The following DHX58 variants were observed in gnomAD, a reference collection of about 807,000 sequenced individuals.
DHX58 encodes DExH-box helicase 58.
Under a neutral mutation model 65.0 loss-of-function variants are expected in DHX58, and 51 were observed. The observed-to-expected ratio is 0.78, with a 90% confidence interval of 0.63 to 0.99. DHX58 has a LOEUF of 0.99. Among genes scored for constraint, DHX58 ranks in the 50% least tolerant of loss-of-function variants. The probability of loss-of-function intolerance (pLI) is 0.00; values close to 1 mark genes in which losing one functional copy is unlikely to be tolerated. For synonymous variants in DHX58, 350 were observed against 365.0 expected (o/e 0.96, Z 0.47); for missense variants, 773 against 891.8 (o/e 0.87, Z 1.70).
chr17:42,107,793 C>T lies in DHX58; in HGVS notation c.808G>A (p.Ala270Thr). ...CGTTGCTCCTGAAGCCCAGCCAAAG[C>T]CGCTGCGGGAAGAGGGCGCAGGGTC... ...QQVVKLSEAA[A>T]LAGLQEQRVY... is the part of the protein sequence containing the mutation. The change falls in exon 8 of 14, where the codon GCT (alanine) becomes ACT (threonine). Residue 270 changes from alanine to threonine, a missense_variant and splice_region_variant. Coordinates refer to ENST00000251642, the MANE Select transcript of DHX58 (RefSeq NM_024119.3). 6.4e-7 allele frequency: 1 copy of T among 1,571,898 alleles called. No homozygotes were observed. The highest frequency in any genetic ancestry group is 2.3e-5 in the East Asian group (1 of 42,926).
At position 42,101,690 on chromosome 17, in the gene DHX58, A is replaced by AG; in HGVS notation, c.*70dup. 1.9e-6 allele frequency: 3 copies of AG among 1,549,234 alleles called. No individual in the cohort carries two copies. Among genetic ancestry groups the AG allele is most frequent in the Non-Finnish European group, 1.8e-6 (2 of 1,140,058 alleles). On this transcript the variant is annotated 3_prime_UTR_variant, in exon 14 of 14. Transcript: ENST00000251642. The stretch of plus-strand genomic sequence containing the variant: ...GCCCACAGCTGATGATTCAGGAAGG[A>AG]GGGGCCTGGAGTCTGCTGCAGACTC...
In DHX58 at chr17:42,107,989, ACTCAGCTTCACCACCTGCTG is replaced by A. The variant is rs1555663185; in HGVS notation, c.778_797del (p.Gln260Ter). ...AAGGGCTGCCCCTCTCACCAGCCTC[ACTCAGCTTCACCACCTGCTG>A]CTCATACATTTGCGTCCCAAATTTC... is the stretch of plus-strand genomic sequence containing the variant. On this transcript the variant is annotated frameshift_variant, in exon 7 of 14. Transcript: ENST00000251642. LOFTEE classifies it high-confidence loss of function. 6.2e-7 allele frequency: 1 copy of A among 1,614,014 alleles called. No individual in the cohort carries two copies. Among genetic ancestry groups the A allele is most frequent in the South Asian group, 1.1e-5 (1 of 91,082 alleles).
chr17:42,103,018 C>T (rs1398335890), intron 12 of DHX58, among the ~76,000 whole-genome samples: 2 of 152,120 alleles, frequency 1.3e-5, no homozygotes, highest in Admixed American at 6.5e-5. Flanking sequence ...GAACTCCTAA[C>T]CTCAAGTGAT....
intron 9 of DHX58, 136 bp downstream of exon 9, chr17:42,105,600 T>C: frequency 6.9e-7 from 1 of 1,459,676 alleles, no homozygotes; most frequent in Non-Finnish European, 9.0e-7. Context: ...TCCTTGCCCC[T>C]CTGCCTGGGG....
At chr17:42,111,046 A>C (rs1260757815) in intron 4 of DHX58, 133 bp from the exon 5 acceptor site, 93 of 1,144,942 alleles carry the variant, frequency 8.1e-5, no homozygotes, top group Non-Finnish European at 7.7e-5. Context: ...CAGGATGAGG[A>C]GCCAGGCAGG....
intron 7 of DHX58, 30 bp downstream of exon 7, chr17:42,107,952 C>G: frequency 6.2e-7 from 1 of 1,613,562 alleles, no homozygotes; most frequent in Non-Finnish European, 8.5e-7. Context: ...CCCACATCCT[C>G]GCCTCCGCCA....
At chr17:42,104,238 A>G (rs1555662124) in intron 11 of DHX58, among the ~76,000 whole-genome samples, 1 of 151,906 alleles carries the variant, frequency 6.6e-6, no homozygotes, top group Non-Finnish European at 1.5e-5. Flanking sequence ...ATGGAGAAAA[A>G]CAGTATGAGT....
chr17:42,106,573 G>A (rs542664840), intron 8 of DHX58, among the ~76,000 whole-genome samples: 6 of 151,724 alleles, frequency 4.0e-5, no homozygotes, highest in South Asian at 4.2e-4. Flanking sequence ...TGAGGTGAGC[G>A]GATCACCTGA....
At chr17:42,109,680 G>A (rs1005444201) in intron 5 of DHX58, among the ~76,000 whole-genome samples, 3 of 152,052 alleles carry the variant, frequency 2.0e-5, no homozygotes, top group Non-Finnish European at 2.9e-5. Flanking sequence ...CGGGTCACCT[G>A]AGGTCAGGAG....
At chr17:42,103,451 TA>T in intron 12 of DHX58, 156 bp downstream of exon 12, 1 of 940,080 alleles carries the variant, frequency 1.1e-6, no homozygotes, top group Non-Finnish European at 1.6e-6. Context: ...TCCTTGCCTG[TA>T]AAATGGAGAC....
intron 7 of DHX58, 48 bp downstream of exon 7, chr17:42,107,934 T>C: frequency 1.3e-6 from 2 of 1,589,030 alleles, no homozygotes; most frequent in Non-Finnish European, 1.7e-6. Flanking sequence ...GCCCCGCCCC[T>C]GACCACTCCC....
chr17:42,106,302 A>AAGGG (rs1361863013), intron 8 of DHX58, among the ~76,000 whole-genome samples: 2 of 124,152 alleles, frequency 1.6e-5, no homozygotes, highest in African/African-American at 4.0e-5. Flanking sequence ...GGAGGGAAGG[A>AAGGG]AGGGAGGGAG....
intron 12 of DHX58, 113 bp from the exon 13 acceptor site, chr17:42,102,425 G>A (rs2053993612): frequency 6.7e-6 from 6 of 896,388 alleles, no homozygotes; most frequent in Non-Finnish European, 7.3e-6. Context: ...TGCTGGTTAA[G>A]AGGCACAGAC....
Position 42,111,308 on chromosome 17 carries a change from C to T in DHX58, c.358G>A (p.Val120Met), listed in dbSNP as rs138403190. 3.3e-5 allele frequency: 54 copies of T among 1,612,380 alleles called. 1 individual carries two copies. The highest frequency in any genetic ancestry group is 1.6e-4 in the African/African-American group (12 of 74,902). ...CCATGGCCCTCACCAGTGAGCTCCA[C>T]GTGCTCCTCCTCCTCGGGGCTGGTC... is the stretch of plus-strand genomic sequence containing the variant. ...ALTSPEEEEH[V>M]ELTVFSLIVV... Residue 120 changes from valine (V) to methionine (M), a missense_variant, in exon 4 of 14, where the codon GTG becomes ATG. Coordinates refer to ENST00000251642, the MANE Select transcript of DHX58 (RefSeq NM_024119.3).
In DHX58 at chr17:42,112,172, TG is replaced by T. The variant is rs1331517674; in HGVS notation, c.-62del. The T allele has an allele frequency of 3.2e-6, 1 of 317,368 alleles. No individual in the cohort carries two copies. The highest frequency in any genetic ancestry group is 5.8e-6 in the Non-Finnish European group (1 of 173,488). 19.7% of individuals were successfully genotyped at this position (317,368 alleles called of 1,614,324 possible). A position where few individuals can be genotyped will look rare whatever the true frequency, so the allele number is the denominator to read the frequency against. ...CACTTAACTCAGCCTGGTGCCACTCTGCTCAGCTCAGAGACCCAAGATGGAA... is the reference window on the plus strand; with the variant it reads ...CACTTAACTCAGCCTGGTGCCACTCTCTCAGCTCAGAGACCCAAGATGGAA... On this transcript the variant is annotated 5_prime_UTR_variant, in exon 2 of 14. Coordinates refer to ENST00000251642, the MANE Select transcript of DHX58 (RefSeq NM_024119.3).
Position 42,111,309 on chromosome 17 carries a change from G to A in DHX58, c.357C>T (p.His119=), listed in dbSNP as rs781972471. The A allele has an allele frequency of 9.3e-6, 15 of 1,612,348 alleles. No individual in the cohort carries two copies. The highest frequency in any genetic ancestry group is 1.6e-4 in the Middle Eastern group (1 of 6,072). The change falls in exon 4 of 14, where the codon CAC becomes CAT. Residue 119 remains histidine, a synonymous_variant. Transcript: ENST00000251642. ...MALTSPEEEE[H]VELTVFSLIV... Reference sequence around the variant, plus strand: ...CATGGCCCTCACCAGTGAGCTCCACGTGCTCCTCCTCCTCGGGGCTGGTCA... The same window carrying A: ...CATGGCCCTCACCAGTGAGCTCCACATGCTCCTCCTCCTCGGGGCTGGTCA...
intron 6 of DHX58, among the ~76,000 whole-genome samples, chr17:42,108,667 C>T (rs1455194108): frequency 6.6e-6 from 1 of 152,232 alleles, no homozygotes; most frequent in Non-Finnish European, 1.5e-5. Context: ...GCTGCTGACC[C>T]TGACAGAGCT....
rs782069835 is a variant in DHX58 at position 42,101,806 on chromosome 17, G to A, written c.1992C>T (p.Phe664=). 12 of 1,614,116 alleles carry A rather than the reference G, an allele frequency of 7.4e-6. No homozygotes were observed. In the South Asian group the frequency reaches 7.7e-5, roughly 10 times the overall value. ...ACAAGTTCTCGGCACAATGCTGCAGGAAGTCAAAGTCAGGCACGGAGAAGG... is the reference window on the plus strand; with the variant it reads ...ACAAGTTCTCGGCACAATGCTGCAGAAAGTCAAAGTCAGGCACGGAGAAGG... ...RVPFSVPDFD[F]LQHCAENLSD... Residue 664 remains phenylalanine (F), a synonymous_variant, in exon 14 of 14, where the codon TTC becomes TTT. Transcript: ENST00000251642.
At chr17:42,109,249 C>A in intron 6 of DHX58, 21 bp downstream of exon 6, 1 of 1,599,842 alleles carries the variant, frequency 6.3e-7, no homozygotes, top group South Asian at 1.1e-5. Flanking sequence ...CCGCTCTCGC[C>A]GTGTCCCTGC....
Sources: allele counts gnomAD v4.1 joint callset (sites outside exome capture counted in the v4.1 genomes callset), GRCh38; gene constraint gnomAD v4.1.1; transcripts MANE v1.5; gene names NCBI Gene and HGNC (gene_info 2026-07-23, HGNC 2026-07-21).